The following GAA variants were observed in gnomAD, a reference collection of about 807,000 sequenced individuals.
GAA encodes alpha glucosidase.
Under a neutral mutation model 103.9 loss-of-function variants are expected in GAA, and 88 were observed. The observed-to-expected ratio is 0.85, with a 90% CI of 0.71 to 1.01. GAA has a LOEUF of 1.01. Among genes scored for constraint, GAA ranks in the 50% least tolerant of loss-of-function variants. The pLI is 0.00. For missense variants in GAA, 1,350 were observed against 1,305.3 expected (o/e 1.03, Z -0.53); for synonymous variants, 572 against 563.1 (o/e 1.02, Z -0.22).
chr17:80,112,845 C>G (rs772836187), intron 13 of GAA, 31 bp from the exon 14 acceptor site: 4 of 1,598,840 alleles, frequency 2.5e-6, no homozygotes, highest in Admixed American at 1.7e-5. Context: ...GCTGCAGCAG[C>G]CTGAGGACCA....
intron 19 of GAA, 25 bp from the exon 20 acceptor site, chr17:80,119,246 CT>C: frequency 6.2e-7 from 1 of 1,612,354 alleles, no homozygotes; most frequent in Non-Finnish European, 8.5e-7. Flanking sequence ...TCTCGGGCTG[CT>C]CCATTTGTGC....
At chr17:80,118,131 C>A (rs765029419) in intron 17 of GAA, 62 bp from the exon 18 acceptor site, 10 of 1,577,408 alleles carry the variant, frequency 6.3e-6, no homozygotes, top group Non-Finnish European at 8.7e-6. Context: ...ATTCCCGGGC[C>A]CTGGAGGCCT....
Position 80,119,301 on chromosome 17 carries a change from G to T in GAA, c.2829G>T (p.Met943Ile). ...KVLDICVSLL[M>I]GEQFLVSWC is the part of the protein sequence containing the mutation. ...TGGACATCTGTGTCTCGCTGTTGAT[G>T]GGAGAGCAGTTTCTCGTCAGCTGGT... The change falls in exon 20 of 20, where the codon ATG becomes ATT. Residue 943 changes from methionine to isoleucine, a missense_variant. Coordinates refer to ENST00000302262, the MANE Select transcript of GAA (RefSeq NM_000152.5). 6.2e-7 allele frequency: 1 copy of T among 1,614,088 alleles called. No individual in the cohort carries two copies. Among genetic ancestry groups the T allele is most frequent in the South Asian group, 1.1e-5 (1 of 91,068 alleles).
chr17:80,103,197 G>T (rs1049701167), intron 1 of GAA, among the ~76,000 whole-genome samples: 1 of 152,200 alleles, frequency 6.6e-6, no homozygotes, highest in Non-Finnish European at 1.5e-5. Flanking sequence ...ACCAGAGAAG[G>T]TTGCACAGTC....
In GAA at chr17:80,117,757, G is replaced by T; in HGVS notation, c.2481+8G>T. Reference sequence around the variant, plus strand: ...TACATCATCCCCCTGCAGGTACCTGGGCCAGGCGGCTATGGTGGGGGTGTG... The same window carrying T: ...TACATCATCCCCCTGCAGGTACCTGTGCCAGGCGGCTATGGTGGGGGTGTG... On this transcript the variant is annotated splice_region_variant and intron_variant, in intron 17 of 19. Transcript: ENST00000302262. 1 of 1,604,600 alleles carries T rather than the reference G, an allele frequency of 6.2e-7. No homozygotes were observed. Among genetic ancestry groups the T allele is most frequent in the East Asian group, 2.2e-5 (1 of 44,722 alleles).
intron 12 of GAA, 31 bp from the exon 13 acceptor site, chr17:80,112,547 A>G (rs1333152045): frequency 1.9e-6 from 3 of 1,612,590 alleles, no homozygotes; most frequent in Non-Finnish European, 2.5e-6. Flanking sequence ...CCCGCTCCAC[A>G]CAGCCCTCAC....
At position 80,118,412 on chromosome 17, in the gene GAA, G is replaced by T. The variant is rs141765552; in HGVS notation, c.2646+55G>T. The T allele has an allele frequency of 8.8e-3, 13,652 of 1,556,214 alleles. 69 individuals are homozygous for T. The highest frequency in any genetic ancestry group is 0.011 in the Non-Finnish European group (12,557 of 1,148,926). ...GCAGGGGCCGGCTCGGGGTTGAGAAGGGGTGAGGGGACCTGGGCTTGGGGG... is the reference window on the plus strand; with the variant it reads ...GCAGGGGCCGGCTCGGGGTTGAGAATGGGTGAGGGGACCTGGGCTTGGGGG... On this transcript the variant is annotated intron_variant, in intron 18 of 19. Coordinates refer to ENST00000302262, the MANE Select transcript of GAA (RefSeq NM_000152.5).
rs4889964 is a variant in GAA, at chr17:80,114,225, A to G, written c.2189+859A>G. Reference sequence around the variant, plus strand: ...GCAGAGAAGGCATTGTCAATAAAACAGCAAATAGCTACTCTTCCTAATAGG... The same window carrying G: ...GCAGAGAAGGCATTGTCAATAAAACGGCAAATAGCTACTCTTCCTAATAGG... On this transcript the variant is annotated intron_variant, in intron 15 of 19. Transcript: ENST00000302262. 0.058 allele frequency among the ~76,000 whole-genome samples: 8,848 copies of G among 152,266 alleles called. 502 individuals carry two copies. Among genetic ancestry groups the G allele is most frequent in the South Asian group, 0.15 (739 of 4,830 alleles).
chr17:80,110,365 C>T (rs1482088145), intron 9 of GAA, among the ~76,000 whole-genome samples: 3 of 152,200 alleles, frequency 2.0e-5, no homozygotes, highest in Non-Finnish European at 4.4e-5. Context: ...CAGGCAGGGC[C>T]CCCGCTGAGG....
chr17:80,110,284 A>T (rs1190960299), intron 9 of GAA, among the ~76,000 whole-genome samples: 1 of 152,190 alleles, frequency 6.6e-6, no homozygotes, highest in East Asian at 1.9e-4. Flanking sequence ...GGCCTGGCCC[A>T]GGCACAAGCC....
Position 80,110,770 on chromosome 17 carries a change from C to A in GAA, c.1481C>A (p.Thr494Lys). The A allele has an allele frequency of 6.2e-7, 1 of 1,614,174 alleles. No individual in the cohort carries two copies. Among genetic ancestry groups the A allele is most frequent in the Non-Finnish European group, 8.5e-7 (1 of 1,180,028 alleles). ...STAFPDFTNP[T>K]ALAWWEDMVA... ...GCCTTCCCCGACTTCACCAACCCCA[C>A]AGCCCTGGCCTGGTGGGAGGACATG... Residue 494 changes from threonine to lysine, a missense_variant, in exon 10 of 20, where the codon ACA (threonine) becomes AAA (lysine). Thr to Lys is a moderately conservative substitution (Grantham distance 78, BLOSUM62 -1). Transcript: ENST00000302262.
intron 15 of GAA, among the ~76,000 whole-genome samples, chr17:80,114,420 C>A (rs920304746): frequency 4.0e-4 from 55 of 137,094 alleles, no homozygotes; most frequent in Non-Finnish European, 8.2e-4. Flanking sequence ...TGTCACTACA[C>A]TTTTTTTTTT....
chr17:80,105,603 C>G (rs552404004), intron 2 of GAA, 146 bp from the exon 3 acceptor site: 1 of 955,608 alleles, frequency 1.0e-6, no homozygotes, highest in Non-Finnish European at 1.6e-6. Flanking sequence ...ATGAGGGAGC[C>G]GAGGCTCAGA....
rs1475559733 is a variant in GAA at position 80,112,669 on chromosome 17, G to GA, written c.1847dup (p.Asp616GlufsTer20). On this transcript the variant is annotated frameshift_variant, in exon 13 of 20. Coordinates refer to ENST00000302262, the MANE Select transcript of GAA (RefSeq NM_000152.5). LOFTEE classifies it high-confidence loss of function. ...CCGATACGCCGGCCACTGGACGGGG[G>GA]ACGTGTGGAGCTCCTGGGAGCAGCT... 4 of 1,612,030 alleles carry GA rather than the reference G, an allele frequency of 2.5e-6. No individual in the cohort carries two copies. The highest frequency in any genetic ancestry group is 3.4e-6 in the Non-Finnish European group (4 of 1,179,640).
At chr17:80,117,473 T>G in intron 16 of GAA, 127 bp from the exon 17 acceptor site, 1 of 1,125,524 alleles carries the variant, frequency 8.9e-7, no homozygotes, top group Non-Finnish European at 1.3e-6. Flanking sequence ...AAGTCACAGT[T>G]CAGCCCGTCT....
chr17:80,112,206 A>T lies in GAA; in HGVS notation c.1754+106A>T. ...AGGAGGAAAAGCGGAGGCCCAGACC[A>T]CCCGGGGCCCGCTGGCGGCCCGAGT... On this transcript the variant is annotated intron_variant, in intron 12 of 19. Coordinates refer to ENST00000302262, the MANE Select transcript of GAA (RefSeq NM_000152.5). The T allele has an allele frequency of 4.3e-6, 5 of 1,164,126 alleles. No homozygotes were observed. In the South Asian group the frequency reaches 6.1e-5, roughly 14 times the overall value. 72.1% of individuals were successfully genotyped at this position (1,164,126 alleles called of 1,614,324 possible).
At chr17:80,119,208 G>T in intron 19 of GAA, 64 bp from the exon 20 acceptor site, 1 of 1,509,172 alleles carries the variant, frequency 6.6e-7, no homozygotes, top group South Asian at 1.1e-5. Context: ...GCCGCCTTCT[G>T]AGCGCTGGGG....
chr17:80,106,000 A>C (rs1245095895), intron 3 of GAA, 106 bp downstream of exon 3: 2 of 1,438,490 alleles, frequency 1.4e-6, no homozygotes, highest in African/African-American at 2.8e-5. Flanking sequence ...GCAGGGCGAC[A>C]CATGTTTGTT....
Position 80,110,990 on chromosome 17 carries a change from C to T in GAA, c.1601C>T (p.Pro534Leu), listed in dbSNP as rs1039935633. 9.9e-6 allele frequency: 16 copies of T among 1,613,762 alleles called. No homozygotes were observed. Among genetic ancestry groups the T allele is most frequent in the Non-Finnish European group, 1.4e-5 (16 of 1,179,994 alleles). The change falls in exon 11 of 20, where the codon CCC becomes CTC. Residue 534 changes from proline to leucine, a missense_variant. By Grantham distance (98) the Pro-to-Leu change is moderately conservative. Coordinates refer to ENST00000302262, the MANE Select transcript of GAA (RefSeq NM_000152.5). ...ATCAGGGGCTCTGAGGACGGCTGCC[C>T]CAACAATGAGCTGGAGAACCCACCC... ...NFIRGSEDGC[P>L]NNELENPPYV...
Sources: allele counts gnomAD v4.1 joint callset (sites outside exome capture counted in the v4.1 genomes callset), GRCh38; gene constraint gnomAD v4.1.1; transcripts MANE v1.5; gene names NCBI Gene and HGNC (gene_info 2026-07-23, HGNC 2026-07-21).